Variants in SLC1A2 observed in about 807,000 individuals in gnomAD.
SLC1A2 encodes solute carrier family 1 member 2.
SLC1A2 carries 15 observed loss-of-function variants against 48.8 expected under a neutral mutation model. That is an observed-to-expected ratio of 0.31 (90% confidence interval 0.21 to 0.47). The LOEUF is 0.47. Among genes scored for constraint, SLC1A2 ranks in the 20% least tolerant of loss-of-function variants. The pLI is 0.99. For missense variants in SLC1A2, 502 were observed against 730.5 expected, an observed-to-expected ratio of 0.69 and a Z score of 3.61; for synonymous variants, 279 against 272.6, an observed-to-expected ratio of 1.02 and a Z score of -0.23.
At chr11:35,414,911 A>G (rs1179613440) in intron 1 of SLC1A2, among the ~76,000 whole-genome samples, 2 of 152,236 alleles carry the variant, frequency 1.3e-5, no homozygotes, top group African/African-American at 4.8e-5. Context: ...AAAATTCAAT[A>G]TGAGAAACAA....
intron 1 of SLC1A2, among the ~76,000 whole-genome samples, chr11:35,342,672 G>A (rs1038985870): frequency 5.3e-5 from 8 of 152,058 alleles, no homozygotes; most frequent in Non-Finnish European, 1.5e-5. Context: ...TGTAATCCCA[G>A]CACTTTGGGA....
chr11:35,415,566 C>T (rs542216485), intron 1 of SLC1A2, among the ~76,000 whole-genome samples: 6 of 152,382 alleles, frequency 3.9e-5, no homozygotes, highest in African/African-American at 1.4e-4. Flanking sequence ...GCTGTAGGGT[C>T]TTCCTCCTGC....
intron 1 of SLC1A2, among the ~76,000 whole-genome samples, chr11:35,351,352 T>C (rs1425880903): frequency 2.0e-5 from 3 of 152,218 alleles, no homozygotes; most frequent in Non-Finnish European, 2.9e-5. Flanking sequence ...ATCTCTGCTT[T>C]CCCAGACAGC....
At chr11:35,265,302 AAAT>A in intron 10 of SLC1A2, 1 of 557,018 alleles carries the variant, frequency 1.8e-6, no homozygotes, top group East Asian at 2.9e-5. Flanking sequence ...CACATGGACG[AAAT>A]AAGCAACTGA....
intron 8 of SLC1A2, among the ~76,000 whole-genome samples, chr11:35,282,897 T>A (rs1477072978): frequency 6.6e-6 from 1 of 152,208 alleles, no homozygotes; most frequent in East Asian, 1.9e-4. Flanking sequence ...TGTGGAATTC[T>A]AAGCCCTGCA....
chr11:35,327,026 G>A (rs1240865485), intron 1 of SLC1A2, among the ~76,000 whole-genome samples: 1 of 152,186 alleles, frequency 6.6e-6, no homozygotes, highest in Non-Finnish European at 1.5e-5. Context: ...AAACATAAAT[G>A]ACGTAAACTT....
At chr11:35,313,766 T>C (rs544727034) in intron 3 of SLC1A2, among the ~76,000 whole-genome samples, 4 of 152,224 alleles carry the variant, frequency 2.6e-5, no homozygotes, top group Admixed American at 1.3e-4. Context: ...TCACTCAATC[T>C]AGCGCTGAAT....
intron 1 of SLC1A2, among the ~76,000 whole-genome samples, chr11:35,397,785 A>G (rs768233386): frequency 6.6e-6 from 1 of 152,128 alleles, no homozygotes; most frequent in Non-Finnish European, 1.5e-5. Context: ...GGCACCATCT[A>G]TGAGGAAGTG....
At chr11:35,316,868 T>C (rs923924374) in intron 2 of SLC1A2, 1 of 153,160 alleles carries the variant, frequency 6.5e-6, no homozygotes, top group Non-Finnish European at 1.5e-5. Flanking sequence ...ATCAAGGCAT[T>C]GGGGCAAACA....
chr11:35,328,819 T>TAG (rs761503747), intron 1 of SLC1A2, among the ~76,000 whole-genome samples: 6 of 152,206 alleles, frequency 3.9e-5, no homozygotes, highest in Non-Finnish European at 8.8e-5. Flanking sequence ...ATTTCTGGAC[T>TAG]AGAGAGTCTT....
intron 10 of SLC1A2, among the ~76,000 whole-genome samples, chr11:35,263,768 C>T (rs1281847771): frequency 6.6e-6 from 1 of 152,174 alleles, no homozygotes; most frequent in Non-Finnish European, 1.5e-5. Context: ...CAACATTATA[C>T]ATTCTTTTTG....
At chr11:35,316,457 C>A (rs548128826) in intron 2 of SLC1A2, 4 of 152,300 alleles carry the variant, frequency 2.6e-5, no homozygotes, top group East Asian at 1.9e-4. Context: ...TGGCGGGTAA[C>A]CTTTGGAAAA....
chr11:35,326,205 C>G (rs1428171588), intron 1 of SLC1A2, among the ~76,000 whole-genome samples: 1 of 152,186 alleles, frequency 6.6e-6, no homozygotes, highest in Non-Finnish European at 1.5e-5. Flanking sequence ...GGAAGATGCA[C>G]TTGTCCGTGA....
intron 1 of SLC1A2, among the ~76,000 whole-genome samples, chr11:35,326,650 G>A (rs1181957377): frequency 6.6e-6 from 1 of 152,180 alleles, no homozygotes; most frequent in African/African-American, 2.4e-5. Flanking sequence ...TCCCAAGCAA[G>A]AAGGCAAGTC....
At chr11:35,276,451 T>A (rs1326358967) in intron 9 of SLC1A2, among the ~76,000 whole-genome samples, 27 of 147,506 alleles carry the variant, frequency 1.8e-4, no homozygotes, top group South Asian at 4.3e-4. Flanking sequence ...TCATCCTTTT[T>A]AAAAAAAAAA....
chr11:35,342,748 T>C (rs1021020709), intron 1 of SLC1A2, among the ~76,000 whole-genome samples: 1 of 152,026 alleles, frequency 6.6e-6, no homozygotes, highest in African/African-American at 2.4e-5. Context: ...ATCACTCCCC[T>C]GCACTCCAGC....
intron 4 of SLC1A2, 57 bp downstream of exon 4, chr11:35,312,141 T>C: frequency 1.3e-6 from 2 of 1,577,516 alleles, no homozygotes; most frequent in Middle Eastern, 1.7e-4. Context: ...ACTCTTAAGT[T>C]ATCGCCTTGA....
intron 1 of SLC1A2, among the ~76,000 whole-genome samples, chr11:35,319,356 A>G (rs1187038120): frequency 1.3e-5 from 2 of 152,232 alleles, no homozygotes; most frequent in Non-Finnish European, 2.9e-5. Flanking sequence ...CCAGCAAGTA[A>G]TCTGAAGCTC....
chr11:35,292,346 G>A lies in SLC1A2; in HGVS notation c.1032C>T (p.Pro344=). 6.2e-7 allele frequency: 1 copy of A among 1,614,016 alleles called. No individual in the cohort carries two copies. Among genetic ancestry groups the A allele is most frequent in the Non-Finnish European group, 8.5e-7 (1 of 1,179,934 alleles). ...GGAAAATGCCAGCAAAAAAGGAGAA[G>A]GGGTTTTTCCTGGTCACTACAAAGT... is the stretch of plus-strand genomic sequence containing the variant. ...LIYFVVTRKN[P]FSFFAGIFQA... Residue 344 remains proline (P), a synonymous_variant, in exon 7 of 11, where the codon CCC becomes CCT. Transcript: ENST00000278379.
Sources: allele counts gnomAD v4.1 joint callset (sites outside exome capture counted in the v4.1 genomes callset), GRCh38; gene constraint gnomAD v4.1.1; transcripts MANE v1.5; gene names NCBI Gene and HGNC (gene_info 2026-07-23, HGNC 2026-07-21).